Variants in GTF2A1 observed in about 807,000 individuals in gnomAD.
The protein encoded by GTF2A1 is general transcription factor IIA subunit 1, also known as transcription initiation factor IIA subunit 1.
A neutral mutation model predicts 54.1 loss-of-function variants in GTF2A1; 12 were observed. That is an observed-to-expected ratio of 0.22 (90% CI 0.14 to 0.36). GTF2A1 has a LOEUF of 0.36. Ranked by LOEUF, GTF2A1 falls within the 10% of genes least tolerant of loss-of-function variation. The probability of loss-of-function intolerance (pLI) is 1.00; values close to 1 mark genes in which losing one functional copy is unlikely to be tolerated. For synonymous variants in GTF2A1, 145 were observed against 152.0 expected (o/e 0.95, Z 0.34); for missense variants, 335 against 442.2 (o/e 0.76, Z 2.17).
chr14:81,218,973 T>G (rs1271161010), intron 1 of GTF2A1, among the ~76,000 whole-genome samples: 1 of 151,970 alleles, frequency 6.6e-6, no homozygotes, highest in Non-Finnish European at 1.5e-5. Flanking sequence ...TCTAACATTA[T>G]TTCCTGAATA....
chr14:81,188,264 CA>C (rs1214029151), intron 7 of GTF2A1, among the ~76,000 whole-genome samples: 1 of 152,132 alleles, frequency 6.6e-6, no homozygotes, highest in Non-Finnish European at 1.5e-5. Flanking sequence ...TATTTTCTCC[CA>C]GCTACTCAGG....
At chr14:81,220,448 C>A (rs369257346) in intron 1 of GTF2A1, 41 bp downstream of exon 1, 13 of 1,487,494 alleles carry the variant, frequency 8.7e-6, no homozygotes, top group Non-Finnish European at 1.2e-5. Flanking sequence ...GTTGCTGCAG[C>A]CTGAACGAAG....
intron 2 of GTF2A1, among the ~76,000 whole-genome samples, chr14:81,210,929 T>C (rs970353436): frequency 2.6e-5 from 4 of 152,208 alleles, no homozygotes; most frequent in Non-Finnish European, 5.9e-5. Flanking sequence ...TGAAATTACA[T>C]GGAGAAAATT....
At chr14:81,195,632 GAAA>G (rs34366586) in intron 6 of GTF2A1, among the ~76,000 whole-genome samples, 2 of 118,550 alleles carry the variant, frequency 1.7e-5, no homozygotes, top group Admixed American at 9.3e-5. Context: ...ACTCTGTCTC[GAAA>G]AAAAAAAAAA....
chr14:81,219,743 C>G (rs1893573162), intron 1 of GTF2A1, among the ~76,000 whole-genome samples: 2 of 152,144 alleles, frequency 1.3e-5, no homozygotes, highest in Admixed American at 1.3e-4. Context: ...TCGCAAGTAA[C>G]AAAAAGGGAC....
intron 8 of GTF2A1, among the ~76,000 whole-genome samples, chr14:81,182,467 T>C (rs1406219552): frequency 6.6e-6 from 1 of 152,200 alleles, no homozygotes; most frequent in African/African-American, 2.4e-5. Flanking sequence ...CTTTTTCTTT[T>C]CTACCACAAA....
intron 2 of GTF2A1, among the ~76,000 whole-genome samples, chr14:81,207,735 G>T (rs915018064): frequency 2.0e-5 from 3 of 152,214 alleles, no homozygotes; most frequent in Non-Finnish European, 4.4e-5. Context: ...AGGCTGAGGT[G>T]GTCTCAGATG....
chr14:81,190,101 T>TTTTTTATTAC (rs1892843204), intron 7 of GTF2A1, among the ~76,000 whole-genome samples: 5 of 152,028 alleles, frequency 3.3e-5, no homozygotes, highest in Non-Finnish European at 7.4e-5. Flanking sequence ...TTCATGTTAA[T>TTTTTTATTAC]CAACTTGAAA....
At chr14:81,197,194 A>C (rs372055485) in intron 5 of GTF2A1, 1 of 453,158 alleles carries the variant, frequency 2.2e-6, no homozygotes. Context: ...CACAGATCAA[A>C]GGTTCAAGTA....
chr14:81,210,509 C>G (rs935244850), intron 2 of GTF2A1, among the ~76,000 whole-genome samples: 2 of 152,026 alleles, frequency 1.3e-5, no homozygotes, highest in African/African-American at 4.8e-5. Flanking sequence ...ATAAAATAAA[C>G]AATGAAACAC....
intron 2 of GTF2A1, among the ~76,000 whole-genome samples, chr14:81,212,074 C>T (rs1430469541): frequency 6.6e-6 from 1 of 151,554 alleles, no homozygotes; most frequent in African/African-American, 2.4e-5. Flanking sequence ...AATAGGACAG[C>T]CCCTGCAACA....
intron 4 of GTF2A1, among the ~76,000 whole-genome samples, chr14:81,201,348 A>G (rs1487756345): frequency 1.3e-5 from 2 of 152,182 alleles, no homozygotes; most frequent in East Asian, 3.8e-4. Flanking sequence ...CGGAAATAGT[A>G]GGGAATGGAA....
chr14:81,183,061 T>C (rs1205728579), intron 8 of GTF2A1, among the ~76,000 whole-genome samples: 2 of 152,254 alleles, frequency 1.3e-5, no homozygotes, highest in Non-Finnish European at 2.9e-5. Context: ...TATTTTATTA[T>C]GTTTTAAATA....
At chr14:81,186,353 G>A (rs1249483304) in intron 7 of GTF2A1, among the ~76,000 whole-genome samples, 3 of 152,186 alleles carry the variant, frequency 2.0e-5, no homozygotes, top group Admixed American at 1.3e-4. Context: ...AGTCTGCCTT[G>A]CTGTCTTTAC....
chr14:81,196,998 T>C (rs185461288), intron 5 of GTF2A1, among the ~76,000 whole-genome samples: 162 of 152,316 alleles, frequency 1.1e-3, no homozygotes, highest in Non-Finnish European at 1.7e-3. Flanking sequence ...CATTGGTCTT[T>C]TGTCAATGAA....
chr14:81,176,212 C>A lies in GTF2A1; in HGVS notation c.*4011G>T, dbSNP rs1382453608. The A allele has an allele frequency of 6.6e-6, 1 of 152,016 alleles. No individual in the cohort carries two copies. Among genetic ancestry groups the A allele is most frequent in the African/African-American group, 2.4e-5 (1 of 41,404 alleles). 9.4% of individuals were successfully genotyped at this position (152,016 alleles called of 1,614,324 possible). On this transcript the variant is annotated 3_prime_UTR_variant, in exon 9 of 9. Coordinates refer to ENST00000553612, the MANE Select transcript of GTF2A1 (RefSeq NM_015859.4). ...ATTAAACTTAAAATAGGTCTTAGTA[C>A]ATCAAAATACTAAGTTCTCTAATTG...
At chr14:81,187,114 G>A (rs764555773) in intron 7 of GTF2A1, among the ~76,000 whole-genome samples, 5 of 152,080 alleles carry the variant, frequency 3.3e-5, no homozygotes, top group African/African-American at 4.8e-5. Flanking sequence ...CAGCACTTTG[G>A]GAGGCTGAGG....
intron 1 of GTF2A1, among the ~76,000 whole-genome samples, chr14:81,220,018 C>G (rs1893583617): frequency 6.6e-6 from 1 of 152,002 alleles, no homozygotes; most frequent in Non-Finnish European, 1.5e-5. Context: ...AACCATTAAT[C>G]TTCCACTGCA....
intron 6 of GTF2A1, among the ~76,000 whole-genome samples, chr14:81,194,725 C>A (rs1288244563): frequency 6.6e-6 from 1 of 152,104 alleles, no homozygotes; most frequent in African/African-American, 2.4e-5. Context: ...TAACTGGGAG[C>A]ATGGCAAGAA....
Sources: gnomAD v4.1 joint callset for allele counts (sites outside exome capture counted in the v4.1 genomes callset) on GRCh38, gnomAD v4.1.1 for gene constraint, MANE v1.5 for transcripts, NCBI Gene and HGNC (gene_info 2026-07-23, HGNC 2026-07-21) for gene names.